SLC25A21: variants seen among roughly 807,000 people sequenced by gnomAD.
The protein encoded by SLC25A21 is mitochondrial 2-oxodicarboxylate carrier.
In SLC25A21, 47 loss-of-function variants were observed where a neutral mutation model predicts 43.8. The ratio of observed to expected loss-of-function variants is 1.07; its 90% CI spans 0.85 to 1.37. SLC25A21 has a LOEUF of 1.37. Ranked by LOEUF, SLC25A21 falls within the 40% of genes most tolerant of loss-of-function variation. The pLI is 0.00. For missense variants in SLC25A21, 352 were observed against 350.2 expected (o/e 1.00, Z -0.04); for synonymous variants, 131 against 121.3 (o/e 1.08, Z -0.52).
At chr14:36,922,771 A>T (rs1381451185) in intron 1 of SLC25A21, among the ~76,000 whole-genome samples, 1 of 152,128 alleles carries the variant, frequency 6.6e-6, no homozygotes, top group East Asian at 1.9e-4. Context: ...TAATACCAGA[A>T]TAAGGGCTGC....
chr14:37,068,219 G>A (rs1036343929), intron 1 of SLC25A21, among the ~76,000 whole-genome samples: 2 of 152,232 alleles, frequency 1.3e-5, no homozygotes, highest in Admixed American at 6.5e-5. Context: ...CATTCTGGCA[G>A]CCACATGGTA....
chr14:37,011,101 T>G (rs564593541), intron 1 of SLC25A21, among the ~76,000 whole-genome samples: 24 of 152,152 alleles, frequency 1.6e-4, no homozygotes, highest in Admixed American at 6.5e-4. Context: ...TGGCCAGGCT[T>G]GTCTCAAACT....
At chr14:36,918,864 TC>T (rs1362250441) in intron 1 of SLC25A21, among the ~76,000 whole-genome samples, 1 of 151,990 alleles carries the variant, frequency 6.6e-6, no homozygotes, top group East Asian at 1.9e-4. Context: ...GCCCGAAAGA[TC>T]CTTTTAAGTG....
At chr14:36,750,844 A>G (rs1269532488) in intron 3 of SLC25A21, among the ~76,000 whole-genome samples, 1 of 152,200 alleles carries the variant, frequency 6.6e-6, no homozygotes, top group Non-Finnish European at 1.5e-5. Context: ...TCATGAGATC[A>G]TCCCTCACTT....
At position 36,938,207 on chromosome 14, in the gene SLC25A21, G is replaced by A. The variant is rs1008680955; in HGVS notation, c.71-63203C>T. Among the ~76,000 whole-genome samples the A allele has an allele frequency of 3.9e-5, 6 of 151,972 alleles. No homozygotes were observed. In the East Asian group the frequency reaches 9.7e-4, roughly 25 times the overall value. ...ATCCTTTCTTACTTCATCTTTCTTC[G>A]AGAAGCCTTCTCCTGGCAACACCTA... On this transcript the variant is annotated intron_variant, in intron 1 of 9. Transcript: ENST00000331299.
At chr14:37,142,714 C>T (rs1444096270) in intron 1 of SLC25A21, among the ~76,000 whole-genome samples, 1 of 152,080 alleles carries the variant, frequency 6.6e-6, no homozygotes, top group East Asian at 1.9e-4. Context: ...GAATTACCTC[C>T]GAGGATACAC....
At chr14:36,900,439 C>A (rs545931482) in intron 1 of SLC25A21, among the ~76,000 whole-genome samples, 20 of 152,236 alleles carry the variant, frequency 1.3e-4, no homozygotes, top group African/African-American at 4.6e-4. Context: ...AATGATAAGA[C>A]TGGGTTTGGA....
chr14:36,765,183 C>T (rs540663861), intron 3 of SLC25A21, among the ~76,000 whole-genome samples: 1 of 152,318 alleles, frequency 6.6e-6, no homozygotes, highest in Admixed American at 6.5e-5. Flanking sequence ...TCTGACTAAT[C>T]TGAGGCTGCC....
chr14:36,985,601 G>C (rs1161193306), intron 1 of SLC25A21, among the ~76,000 whole-genome samples: 2 of 152,064 alleles, frequency 1.3e-5, no homozygotes, highest in African/African-American at 4.8e-5. Flanking sequence ...ATTAGATTCA[G>C]ACACTAAAAC....
chr14:36,850,237 A>G (rs1377150417), intron 2 of SLC25A21, among the ~76,000 whole-genome samples: 1 of 152,226 alleles, frequency 6.6e-6, no homozygotes, highest in Non-Finnish European at 1.5e-5. Flanking sequence ...TCATATTTGC[A>G]AAGAAGTAAT....
At chr14:37,116,478 C>T (rs983794106) in intron 1 of SLC25A21, among the ~76,000 whole-genome samples, 1 of 152,114 alleles carries the variant, frequency 6.6e-6, no homozygotes, top group Non-Finnish European at 1.5e-5. Flanking sequence ...ACTAGGCAGA[C>T]CTTTCCAAAC....
At chr14:37,013,457 G>A (rs1960777344) in intron 1 of SLC25A21, among the ~76,000 whole-genome samples, 1 of 152,144 alleles carries the variant, frequency 6.6e-6, no homozygotes, top group Non-Finnish European at 1.5e-5. Context: ...CGCTTCATCA[G>A]TTTTCTCCTT....
chr14:36,978,627 CTAATA>C (rs959235496), intron 1 of SLC25A21, among the ~76,000 whole-genome samples: 1 of 152,118 alleles, frequency 6.6e-6, no homozygotes, highest in Non-Finnish European at 1.5e-5. Flanking sequence ...AGTATAAAAT[CTAATA>C]TAATATAAAA....
At chr14:37,064,770 C>A (rs943431811) in intron 1 of SLC25A21, among the ~76,000 whole-genome samples, 1 of 152,114 alleles carries the variant, frequency 6.6e-6, no homozygotes, top group African/African-American at 2.4e-5. Context: ...TCCAGGTTGA[C>A]AAAAACTCTT....
chr14:36,758,311 T>C (rs1383945170), intron 3 of SLC25A21, among the ~76,000 whole-genome samples: 1 of 152,186 alleles, frequency 6.6e-6, no homozygotes, highest in Non-Finnish European at 1.5e-5. Flanking sequence ...TGGCTGATTA[T>C]GGGAGCAGTT....
At chr14:36,688,122 T>G (rs1262616432) in intron 7 of SLC25A21, among the ~76,000 whole-genome samples, 1 of 152,218 alleles carries the variant, frequency 6.6e-6, no homozygotes, top group Non-Finnish European at 1.5e-5. Flanking sequence ...CTCCACGCTT[T>G]TCTTCAAACA....
intron 1 of SLC25A21, among the ~76,000 whole-genome samples, chr14:37,090,468 C>T (rs1456364835): frequency 1.3e-5 from 2 of 152,136 alleles, no homozygotes; most frequent in East Asian, 1.9e-4. Flanking sequence ...GGTTTGGGGA[C>T]AATAAAGGAT....
intron 1 of SLC25A21, among the ~76,000 whole-genome samples, chr14:37,072,387 T>TA (rs1471407087): frequency 1.3e-5 from 2 of 152,114 alleles, no homozygotes; most frequent in African/African-American, 4.8e-5. Flanking sequence ...CTCTACCAGG[T>TA]AGCCTCATAC....
At chr14:36,775,229 C>T (rs1886780123) in intron 3 of SLC25A21, among the ~76,000 whole-genome samples, 2 of 152,036 alleles carry the variant, frequency 1.3e-5, no homozygotes. Flanking sequence ...GAGTGCTTGC[C>T]ACTCAGGAAA....
Sources: gnomAD v4.1 joint callset for allele counts (sites outside exome capture counted in the v4.1 genomes callset) on GRCh38, gnomAD v4.1.1 for gene constraint, MANE v1.5 for transcripts, NCBI Gene and HGNC (gene_info 2026-07-23, HGNC 2026-07-21) for gene names.